Variants in PRKG1 observed in about 807,000 individuals in gnomAD.
The protein encoded by PRKG1 is protein kinase cGMP-dependent 1.
In PRKG1, 35 loss-of-function variants were observed where a neutral mutation model predicts 88.1. The observed-to-expected ratio is 0.40, with a 90% CI of 0.30 to 0.53. PRKG1 has a LOEUF of 0.53. Among genes scored for constraint, PRKG1 ranks in the 20% least tolerant of loss-of-function variants. PRKG1 has a pLI of 0.59. For synonymous variants in PRKG1, 303 were observed against 292.5 expected, an observed-to-expected ratio of 1.04 and a Z score of -0.37; for missense variants, 540 against 839.8, an observed-to-expected ratio of 0.64 and a Z score of 4.41.
intron 2 of PRKG1, among the ~76,000 whole-genome samples, chr10:51,311,235 C>T (rs1841178691): frequency 6.6e-6 from 1 of 152,138 alleles, no homozygotes; most frequent in African/African-American, 2.4e-5. Flanking sequence ...GTGTTTATTA[C>T]ATACTGCCTT....
At chr10:51,717,817 G>A (rs1485981435) in intron 3 of PRKG1, among the ~76,000 whole-genome samples, 4 of 150,098 alleles carry the variant, frequency 2.7e-5, no homozygotes, top group African/African-American at 4.9e-5. Flanking sequence ...GGGCGACAGA[G>A]CGAGACTCTG....
At chr10:52,284,613 C>T (rs1842072641) in intron 14 of PRKG1, among the ~76,000 whole-genome samples, 1 of 152,038 alleles carries the variant, frequency 6.6e-6, no homozygotes, top group South Asian at 2.1e-4. Flanking sequence ...AGGAATGATG[C>T]TTGGACCACA....
intron 2 of PRKG1, among the ~76,000 whole-genome samples, chr10:51,411,280 C>A (rs1004551565): frequency 1.3e-5 from 2 of 152,132 alleles, no homozygotes; most frequent in Non-Finnish European, 1.5e-5. Flanking sequence ...GGATTACAGG[C>A]CTGAGCCACG....
chr10:51,677,733 C>T (rs1408997901), intron 3 of PRKG1, among the ~76,000 whole-genome samples: 10 of 152,160 alleles, frequency 6.6e-5, no homozygotes, highest in Admixed American at 5.2e-4. Context: ...GGGTCTCATC[C>T]CCCATTTGTG....
chr10:51,659,317 A>G (rs1292151505), intron 3 of PRKG1, among the ~76,000 whole-genome samples: 1 of 152,100 alleles, frequency 6.6e-6, no homozygotes, highest in Non-Finnish European at 1.5e-5. Flanking sequence ...GAGGGTAATC[A>G]TTGTGATCTG....
chr10:52,201,288 C>T (rs1391166100), intron 9 of PRKG1, among the ~76,000 whole-genome samples: 1 of 152,106 alleles, frequency 6.6e-6, no homozygotes, highest in Admixed American at 6.6e-5. Context: ...CCAGTTATTC[C>T]AGCACTATTT....
chr10:51,481,194 T>TCC (rs879550958), intron 3 of PRKG1, among the ~76,000 whole-genome samples: 5,968 of 118,566 alleles, frequency 0.05, 281 homozygotes, highest in Middle Eastern at 0.14. Flanking sequence ...CTTCCCTCCC[T>TCC]CTCTCCCTCC....
intron 4 of PRKG1, among the ~76,000 whole-genome samples, chr10:51,874,566 A>C (rs1430300340): frequency 1.3e-5 from 2 of 152,198 alleles, no homozygotes; most frequent in African/African-American, 4.8e-5. Flanking sequence ...CGAATATGCC[A>C]AAGCTTAAGA....
At chr10:51,182,014 C>T (rs1837360477) in intron 2 of PRKG1, among the ~76,000 whole-genome samples, 1 of 152,144 alleles carries the variant, frequency 6.6e-6, no homozygotes, top group Admixed American at 6.5e-5. Context: ...AATTCCAATC[C>T]ACCTTTGTCT....
intron 1 of PRKG1, among the ~76,000 whole-genome samples, chr10:51,076,575 C>T (rs1444989429): frequency 2.0e-5 from 3 of 152,172 alleles, no homozygotes; most frequent in African/African-American, 7.2e-5. Context: ...AAAAAGACCA[C>T]TTTAATAGGT....
At chr10:51,480,117 C>T (rs902928349) in intron 3 of PRKG1, among the ~76,000 whole-genome samples, 4 of 152,040 alleles carry the variant, frequency 2.6e-5, no homozygotes, top group African/African-American at 9.7e-5. Flanking sequence ...GATCTTAAGG[C>T]ATATAAATTC....
chr10:51,265,383 G>C (rs1839812731), intron 2 of PRKG1, among the ~76,000 whole-genome samples: 1 of 152,004 alleles, frequency 6.6e-6, no homozygotes, highest in African/African-American at 2.4e-5. Context: ...GTCTAATTTT[G>C]TAAGTATGTT....
Position 51,029,048 on chromosome 10 carries a change from G to A in PRKG1, c.266+37404G>A, listed in dbSNP as rs576078087. ...ATGGGCAGCTCTGTGTGAATGGAAA[G>A]GTACCAAATAAAGCCATTTTGTTAT... On this transcript the variant is annotated intron_variant, in intron 1 of 17. Transcript: ENST00000401604. Among the ~76,000 whole-genome samples, 4 of 152,202 alleles carry A rather than the reference G, an allele frequency of 2.6e-5. No homozygotes were observed. In the East Asian group the frequency reaches 5.8e-4, roughly 22 times the overall value.
intron 7 of PRKG1, among the ~76,000 whole-genome samples, chr10:52,077,270 A>G (rs1372729315): frequency 6.6e-6 from 1 of 152,180 alleles, no homozygotes; most frequent in Non-Finnish European, 1.5e-5. Flanking sequence ...ATTAGTATCA[A>G]AATAATTACG....
chr10:51,739,579 A>G (rs1238672022), intron 3 of PRKG1, among the ~76,000 whole-genome samples: 5 of 152,200 alleles, frequency 3.3e-5, no homozygotes, highest in Admixed American at 3.3e-4. Context: ...AGCTAGAAGA[A>G]GAAAGGAGGG....
chr10:52,053,228 T>TA (rs557507702), intron 5 of PRKG1, among the ~76,000 whole-genome samples: 373 of 6,352 alleles, frequency 0.059, 6 homozygotes, highest in Middle Eastern at 0.5. Context: ...GAATAAGAAA[T>TA]ACTTTTTTAT....
At chr10:51,697,468 G>T (rs1350483326) in intron 3 of PRKG1, 12 of 544,962 alleles carry the variant, frequency 2.2e-5, no homozygotes, top group Non-Finnish European at 3.6e-5. Context: ...ATCATGTTCA[G>T]AGTTATTTTA....
chr10:51,846,713 A>T (rs1456976272), intron 4 of PRKG1, among the ~76,000 whole-genome samples: 1 of 152,120 alleles, frequency 6.6e-6, no homozygotes, highest in Non-Finnish European at 1.5e-5. Flanking sequence ...ATATCCATTC[A>T]CTTTTGCTGG....
intron 9 of PRKG1, among the ~76,000 whole-genome samples, chr10:52,231,972 A>G (rs1840533993): frequency 6.6e-6 from 1 of 152,216 alleles, no homozygotes; most frequent in African/African-American, 2.4e-5. Context: ...TAACTCAGTC[A>G]TATCAGGGTC....
Sources: allele counts gnomAD v4.1 joint callset (sites outside exome capture counted in the v4.1 genomes callset), GRCh38; gene constraint gnomAD v4.1.1; transcripts MANE v1.5; gene names NCBI Gene and HGNC (gene_info 2026-07-23, HGNC 2026-07-21).